PRAG1: variants seen among roughly 807,000 people sequenced by gnomAD.
PRAG1 encodes PEAK1 related, kinase-activating pseudokinase 1.
A neutral mutation model predicts 95.6 loss-of-function variants in PRAG1; 110 were observed. The ratio of observed to expected loss-of-function variants is 1.15; its 90% CI spans 0.99 to 1.35. PRAG1 has a LOEUF of 1.35. PRAG1 is among the 40% of genes most tolerant of loss of function. PRAG1 has a pLI of 0.00. For synonymous variants in PRAG1, 1,052 were observed against 819.4 expected (o/e 1.28, Z -4.85); for missense variants, 2,554 against 1,864.7 (o/e 1.37, Z -6.81).
intron 5 of PRAG1, among the ~76,000 whole-genome samples, chr8:8,322,234 G>A (rs1798494011): frequency 6.6e-6 from 1 of 152,146 alleles, no homozygotes; most frequent in African/African-American, 2.4e-5. Context: ...AGGCTGGAGT[G>A]CAGTGGCACG....
intron 5 of PRAG1, among the ~76,000 whole-genome samples, chr8:8,321,441 G>C (rs1445600156): frequency 1.3e-5 from 2 of 152,176 alleles, no homozygotes; most frequent in Non-Finnish European, 1.5e-5. Flanking sequence ...AAGGAAATTT[G>C]CAGCAATGGT....
intron 4 of PRAG1, among the ~76,000 whole-genome samples, chr8:8,335,742 T>C (rs554226276): frequency 6.6e-6 from 1 of 152,218 alleles, no homozygotes; most frequent in African/African-American, 2.4e-5. Flanking sequence ...TTGATTTTTC[T>C]CCTGGCACTC....
At chr8:8,320,429 G>A (rs952494449) in intron 5 of PRAG1, among the ~76,000 whole-genome samples, 10 of 152,148 alleles carry the variant, frequency 6.6e-5, no homozygotes, top group Non-Finnish European at 1.0e-4. Context: ...AAATGGCAGT[G>A]CCAGCCACCT....
At chr8:8,331,652 T>A (rs541162507) in intron 4 of PRAG1, among the ~76,000 whole-genome samples, 1 of 152,344 alleles carries the variant, frequency 6.6e-6, no homozygotes, top group African/African-American at 2.4e-5. Context: ...TTTAGCAACA[T>A]AATCGGTAAC....
Position 8,358,248 on chromosome 8 carries a change from G to A in PRAG1, c.2162+17999C>T, listed in dbSNP as rs377306543. 3.3e-5 allele frequency among the ~76,000 whole-genome samples: 5 copies of A among 152,284 alleles called. No individual in the cohort carries two copies. The South Asian group carries it at 8.3e-4, about 25-fold the overall frequency. On this transcript the variant is annotated intron_variant, in intron 3 of 5. Transcript: ENST00000615670. The stretch of plus-strand genomic sequence containing the variant: ...AAGGATACAGAAGAAGAGAAGCATG[G>A]GCAAGGCGTGTGGGAAGGGGCATGA...
rs765941718 is a variant in PRAG1 at position 8,328,117 on chromosome 8, T to G, written c.2665A>C (p.Ser889Arg). The G allele has an allele frequency of 6.2e-7, 1 of 1,613,626 alleles. No individual in the cohort carries two copies. Among genetic ancestry groups the G allele is most frequent in the Non-Finnish European group, 8.5e-7 (1 of 1,179,508 alleles). Residue 889 changes from serine to arginine, a missense_variant, in exon 5 of 6, where the codon AGT becomes CGT. Coordinates refer to ENST00000615670, the MANE Select transcript of PRAG1 (RefSeq NM_001080826.3). ...CCTGCTGCCGGAAGCCAGTGGCCAC[T>G]GCCTTTGAAAGCTTTCTCCAGAGGA... is the stretch of plus-strand genomic sequence containing the variant. ...SDPLEKAFKG[S>R]GHWLPAAGLA... is the part of the protein sequence containing the mutation.
At chr8:8,359,442 A>G (rs1033889792) in intron 3 of PRAG1, among the ~76,000 whole-genome samples, 13 of 152,192 alleles carry the variant, frequency 8.5e-5, no homozygotes, top group African/African-American at 3.1e-4. Flanking sequence ...TATTGACCGG[A>G]CCATCCTTCT....
intron 3 of PRAG1, among the ~76,000 whole-genome samples, chr8:8,359,970 C>T (rs138780249): frequency 6.6e-6 from 1 of 152,020 alleles, no homozygotes; most frequent in Admixed American, 6.6e-5. Context: ...GCCTTAAATC[C>T]TTCTCCTTTG....
chr8:8,329,113 C>T (rs901198062), intron 4 of PRAG1, among the ~76,000 whole-genome samples: 1 of 152,108 alleles, frequency 6.6e-6, no homozygotes, highest in African/African-American at 2.4e-5. Flanking sequence ...TCCCTTTTGG[C>T]TGGGTGCGGC....
Position 8,328,181 on chromosome 8 carries a change from G to A in PRAG1, c.2601C>T (p.Ser867=), listed in dbSNP as rs776481865. Residue 867 remains serine (S), a synonymous_variant, in exon 5 of 6, where the codon AGC becomes AGT. Coordinates refer to ENST00000615670, the MANE Select transcript of PRAG1 (RefSeq NM_001080826.3). The part of the protein sequence containing the change: ...HDESHFSYSL[S]PGNRHHPVFS... ...AGACAGGATGGTGGCGGTTCCCGGG[G>A]CTCAACGAATAGCTAAAGTGAGATT... 6.2e-7 allele frequency: 1 copy of A among 1,614,116 alleles called. No homozygotes were observed. The highest frequency in any genetic ancestry group is 1.3e-5 in the African/African-American group (1 of 74,942).
chr8:8,351,429 A>G (rs1799518922), intron 3 of PRAG1, among the ~76,000 whole-genome samples: 1 of 152,198 alleles, frequency 6.6e-6, no homozygotes, highest in Non-Finnish European at 1.5e-5. Flanking sequence ...ATGACTGAGT[A>G]ATTCTTTTTG....
chr8:8,326,389 T>A (rs1333796053), intron 5 of PRAG1, among the ~76,000 whole-genome samples: 1 of 151,986 alleles, frequency 6.6e-6, no homozygotes, highest in Non-Finnish European at 1.5e-5. Context: ...CTTTTCTAAC[T>A]GGAAAAAAAA....
At chr8:8,350,857 G>A (rs1201946329) in intron 3 of PRAG1, among the ~76,000 whole-genome samples, 2 of 152,086 alleles carry the variant, frequency 1.3e-5, no homozygotes. Context: ...TTTATAAACT[G>A]CTCAAAACAG....
intron 4 of PRAG1, among the ~76,000 whole-genome samples, chr8:8,330,640 T>G (rs987112664): frequency 6.6e-6 from 1 of 151,894 alleles, no homozygotes; most frequent in Non-Finnish European, 1.5e-5. Flanking sequence ...CCCTCAATAG[T>G]CAGAATGAAG....
chr8:8,325,668 T>C (rs1241984956), intron 5 of PRAG1, among the ~76,000 whole-genome samples: 3 of 152,094 alleles, frequency 2.0e-5, no homozygotes, highest in Non-Finnish European at 4.4e-5. Flanking sequence ...CCCAGCACTT[T>C]CGGAGGCCGA....
At chr8:8,367,936 T>C (rs1182884167) in intron 3 of PRAG1, among the ~76,000 whole-genome samples, 2 of 152,204 alleles carry the variant, frequency 1.3e-5, no homozygotes, top group Admixed American at 6.5e-5. Context: ...CCATCACGCC[T>C]GGCCGTATAT....
At chr8:8,348,009 C>G (rs145446055) in intron 3 of PRAG1, among the ~76,000 whole-genome samples, 1 of 152,084 alleles carries the variant, frequency 6.6e-6, no homozygotes, top group Non-Finnish European at 1.5e-5. Context: ...CTCTGCCTCC[C>G]CGGTTCAAGA....
At chr8:8,340,222 T>A (rs1007548234) in intron 3 of PRAG1, among the ~76,000 whole-genome samples, 2 of 152,264 alleles carry the variant, frequency 1.3e-5, no homozygotes, top group African/African-American at 4.8e-5. Context: ...ATAACCCTTA[T>A]TCCAGAACAA....
intron 3 of PRAG1, among the ~76,000 whole-genome samples, chr8:8,373,454 A>ATTTTTTTT (rs796490286): frequency 1.4e-5 from 2 of 138,342 alleles, no homozygotes; most frequent in Non-Finnish European, 3.1e-5. Context: ...TATTTTCTAG[A>ATTTTTTTT]TTTTTTTTTT....
Sources: gnomAD v4.1 joint callset for allele counts (sites outside exome capture counted in the v4.1 genomes callset) on GRCh38, gnomAD v4.1.1 for gene constraint, MANE v1.5 for transcripts, NCBI Gene and HGNC (gene_info 2026-07-23, HGNC 2026-07-21) for gene names.